The following ALMS1 variants were observed in gnomAD, a reference collection of about 807,000 sequenced individuals.
ALMS1 encodes ALMS1 centrosome and basal body associated protein.
A neutral mutation model predicts 352.2 loss-of-function variants in ALMS1; 271 were observed. That is an observed-to-expected ratio of 0.77 (90% CI 0.70 to 0.85). The LOEUF (loss-of-function observed/expected upper bound fraction) is 0.85. ALMS1 is among the 40% of genes least tolerant of loss of function. The pLI, the probability that ALMS1 is intolerant of heterozygous loss-of-function variation, is 0.00. For synonymous variants in ALMS1, 1,865 were observed against 1,761.2 expected (o/e 1.06, Z -1.48); for missense variants, 5,445 against 4,870.7 (o/e 1.12, Z -3.51).
intron 9 of ALMS1, among the ~76,000 whole-genome samples, chr2:73,460,943 G>A (rs940724783): frequency 2.6e-5 from 4 of 152,246 alleles, no homozygotes; most frequent in Non-Finnish European, 5.9e-5. Flanking sequence ...CAGCCTGGAA[G>A]CTCGAACTGG....
intron 15 of ALMS1, among the ~76,000 whole-genome samples, chr2:73,561,164 C>T (rs986725245): frequency 2.0e-5 from 3 of 152,242 alleles, no homozygotes; most frequent in African/African-American, 7.2e-5. Context: ...ACGGGCTTAT[C>T]CCATAACCTT....
intron 11 of ALMS1, among the ~76,000 whole-genome samples, chr2:73,533,504 C>T (rs1029740946): frequency 6.6e-6 from 1 of 152,072 alleles, no homozygotes; most frequent in Non-Finnish European, 1.5e-5. Flanking sequence ...AAGTGGGGGG[C>T]TTTAATGGGA....
At position 73,572,406 on chromosome 2, in the gene ALMS1, C is replaced by CTTGGAATGTCTTTCCAAGA. The variant is rs1220975714; in HGVS notation, c.10535_10536insTGTCTTTCCAAGATTGGAA (p.Lys3512AsnfsTer18). Reference sequence around the variant, plus strand: ...GGAAAGAGTGTTTTCATGAGACATTCTTGGAAAGATTTCTTTCAGCATCAT... The same window carrying CTTGGAATGTCTTTCCAAGA: ...GGAAAGAGTGTTTTCATGAGACATTCTTGGAATGTCTTTCCAAGATTGGAAAGATTTCTTTCAGCATCAT... On this transcript the variant is annotated frameshift_variant, in exon 16 of 23. Coordinates refer to ENST00000613296, the MANE Select transcript of ALMS1 (RefSeq NM_001378454.1). LOFTEE classifies it high-confidence loss of function. 7.4e-6 allele frequency: 12 copies of CTTGGAATGTCTTTCCAAGA among 1,611,212 alleles called. No homozygotes were observed. The highest frequency in any genetic ancestry group is 1.0e-5 in the Non-Finnish European group (12 of 1,179,288).
intron 10 of ALMS1, among the ~76,000 whole-genome samples, chr2:73,510,955 T>A (rs1673438969): frequency 6.6e-6 from 1 of 152,190 alleles, no homozygotes. Context: ...CTTCACCCAG[T>A]TGGAAATTCC....
At chr2:73,603,339 G>T (rs1467621317) in intron 21 of ALMS1, 35 bp downstream of exon 21, 1 of 1,602,984 alleles carries the variant, frequency 6.2e-7, no homozygotes, top group African/African-American at 1.4e-5. Flanking sequence ...GTATACAAGT[G>T]TAAACCAGGC....
Position 73,498,728 on chromosome 2 carries a change from T to C in ALMS1, c.9539+7230T>C, listed in dbSNP as rs567953600. Among the ~76,000 whole-genome samples the C allele has an allele frequency of 1.4e-4, 22 of 152,336 alleles. No individual in the cohort carries two copies. In the South Asian group the frequency reaches 4.3e-3, roughly 30 times the overall value. Reference sequence around the variant, plus strand: ...GTAATGATCTCTAGTTCCATCCATATTGTTGTAAATGACTGGATCTCATCA... The same window carrying C: ...GTAATGATCTCTAGTTCCATCCATACTGTTGTAAATGACTGGATCTCATCA... On this transcript the variant is annotated intron_variant, in intron 10 of 22. Transcript: ENST00000613296.
intron 9 of ALMS1, among the ~76,000 whole-genome samples, chr2:73,459,850 T>G (rs1446567664): frequency 6.6e-6 from 1 of 152,246 alleles, no homozygotes; most frequent in African/African-American, 2.4e-5. Flanking sequence ...AAGATCTGTA[T>G]GCTTGGTGTG....
chr2:73,583,855 T>A (rs1028752468), intron 16 of ALMS1, among the ~76,000 whole-genome samples: 1 of 152,200 alleles, frequency 6.6e-6, no homozygotes, highest in Admixed American at 6.5e-5. Context: ...GTCTTTATAC[T>A]AATATCACAC....
intron 6 of ALMS1, among the ~76,000 whole-genome samples, chr2:73,427,105 C>T (rs1440288223): frequency 6.6e-6 from 1 of 152,148 alleles, no homozygotes; most frequent in African/African-American, 2.4e-5. Context: ...GTTGTGCCAG[C>T]AAGAGTCTTT....
At chr2:73,608,447 C>T (rs1280249932) in intron 21 of ALMS1, 28 bp from the exon 22 acceptor site, 2 of 1,585,836 alleles carry the variant, frequency 1.3e-6, no homozygotes, top group East Asian at 2.2e-5. Flanking sequence ...TCCCCGATTT[C>T]TGTCCTTTCA....
intron 10 of ALMS1, among the ~76,000 whole-genome samples, chr2:73,502,926 T>C (rs1438280871): frequency 6.6e-6 from 1 of 152,114 alleles, no homozygotes; most frequent in East Asian, 1.9e-4. Context: ...TATTTGGGAA[T>C]ACGTTGTTGA....
chr2:73,394,922 C>T (rs1237609035), intron 1 of ALMS1, among the ~76,000 whole-genome samples: 4 of 149,178 alleles, frequency 2.7e-5, no homozygotes, highest in Middle Eastern at 3.4e-3. Flanking sequence ...GTGTTGGATA[C>T]GTTTGTGTAT....
Position 73,450,278 on chromosome 2 carries a change from C to T in ALMS1, c.3751C>T (p.Gln1251Ter), listed in dbSNP as rs778724795. The T allele has an allele frequency of 1.9e-6, 3 of 1,614,036 alleles. No individual in the cohort carries two copies. The highest frequency in any genetic ancestry group is 2.5e-6 in the Non-Finnish European group (3 of 1,179,978). Reference protein sequence around the residue: ...HTEKPGIFYQQVLPDNHPTEE... With the variant: ...HTEKPGIFYQ ...AGAGAAGCCTGGTATTTTCTACCAA[C>T]AGGTCTTGCCAGATAATCATCCAAC... The change falls in exon 8 of 23, where the codon CAG becomes TAG. Residue 1251 changes from glutamine (Q) to a stop codon, truncating the protein, a stop_gained. Coordinates refer to ENST00000613296, the MANE Select transcript of ALMS1 (RefSeq NM_001378454.1). LOFTEE classifies it high-confidence loss of function.
chr2:73,433,608 T>C (rs560045559), intron 7 of ALMS1, among the ~76,000 whole-genome samples: 2 of 152,138 alleles, frequency 1.3e-5, no homozygotes, highest in Non-Finnish European at 2.9e-5. Context: ...GTAAATAAAA[T>C]TTTGGGTCAG....
At chr2:73,477,660 T>C (rs979438914) in intron 9 of ALMS1, among the ~76,000 whole-genome samples, 20 of 152,284 alleles carry the variant, frequency 1.3e-4, no homozygotes, top group Admixed American at 1.0e-3. Context: ...TTTCATTCTA[T>C]GTTTTTTAGT....
intron 15 of ALMS1, among the ~76,000 whole-genome samples, chr2:73,564,879 T>C (rs1283071634): frequency 6.6e-6 from 1 of 152,222 alleles, no homozygotes; most frequent in Non-Finnish European, 1.5e-5. Context: ...ATCCTCAGAA[T>C]TTATAACCAC....
chr2:73,473,974 A>G (rs1247171520), intron 9 of ALMS1, among the ~76,000 whole-genome samples: 2 of 152,078 alleles, frequency 1.3e-5, no homozygotes, highest in African/African-American at 2.4e-5. Context: ...ATTTGAAGAA[A>G]TAATGGTTGA....
chr2:73,580,031 TATCCTA>T (rs1397728108), intron 16 of ALMS1, among the ~76,000 whole-genome samples: 1 of 152,216 alleles, frequency 6.6e-6, no homozygotes, highest in Non-Finnish European at 1.5e-5. Context: ...AGTTTGATGG[TATCCTA>T]CAAGTCTCTT....
intron 7 of ALMS1, among the ~76,000 whole-genome samples, chr2:73,437,875 A>G (rs1671636964): frequency 6.6e-6 from 1 of 152,142 alleles, no homozygotes. Context: ...TCTACCTGGT[A>G]CTCAACCTCA....
Sources: gnomAD v4.1 joint callset for allele counts (sites outside exome capture counted in the v4.1 genomes callset) on GRCh38, gnomAD v4.1.1 for gene constraint, MANE v1.5 for transcripts, NCBI Gene and HGNC (gene_info 2026-07-23, HGNC 2026-07-21) for gene names.